Variants in ASH1L observed in about 807,000 individuals in gnomAD.
The protein encoded by ASH1L is ASH1 like histone lysine methyltransferase, also known as histone-lysine N-methyltransferase ASH1L.
In ASH1L, 23 loss-of-function variants were observed where a neutral mutation model predicts 269.0. The ratio of observed to expected loss-of-function variants is 0.09; its 90% confidence interval spans 0.06 to 0.12. ASH1L has a LOEUF of 0.12. ASH1L is among the 10% of genes least tolerant of loss of function. The pLI is 1.00. For missense variants in ASH1L, 2,912 were observed against 3,567.8 expected, an observed-to-expected ratio of 0.82 and a Z score of 4.68; for synonymous variants, 1,187 against 1,253.5, an observed-to-expected ratio of 0.95 and a Z score of 1.12.
intron 2 of ASH1L, among the ~76,000 whole-genome samples, chr1:155,491,286 A>T (rs987970709): frequency 1.8e-4 from 28 of 152,292 alleles, no homozygotes; most frequent in Admixed American, 1.8e-3. Context: ...GGTTTTAAAA[A>T]TTTTTATTAA....
At position 155,470,482 on chromosome 1, in the gene ASH1L, A is replaced by AC. The variant is rs976451271; in HGVS notation, c.4984+7403_4984+7404insG. Among the ~76,000 whole-genome samples, 10 of 151,570 alleles carry AC rather than the reference A, an allele frequency of 6.6e-5. 1 individual carries two copies. The highest frequency in any genetic ancestry group is 4.2e-4 in the South Asian group (2 of 4,794). On this transcript the variant is annotated intron_variant, in intron 3 of 27. Transcript: ENST00000392403. ...AAAAAACAAAAAACAAAAAAAAACA[A>AC]AAAAAAAAACTGTCAATAACTATTC...
intron 2 of ASH1L, among the ~76,000 whole-genome samples, chr1:155,506,903 G>A (rs1667852673): frequency 6.6e-6 from 1 of 152,042 alleles, no homozygotes; most frequent in Non-Finnish European, 1.5e-5. Context: ...AGACCAGCCT[G>A]GCCAACATAG....
intron 20 of ASH1L, 85 bp downstream of exon 20, chr1:155,347,571 A>G: frequency 5.1e-6 from 8 of 1,566,008 alleles, no homozygotes; most frequent in South Asian, 1.1e-5. Flanking sequence ...TTTCAAGCCA[A>G]TCCAAAAGAG....
chr1:155,361,872 C>CA (rs771879733), intron 12 of ASH1L, among the ~76,000 whole-genome samples: 3,689 of 57,298 alleles, frequency 0.064, 179 homozygotes, highest in African/African-American at 0.12. Flanking sequence ...GACTCCGTCT[C>CA]AAAAAAAAAA....
chr1:155,512,086 A>G (rs1446826560), intron 2 of ASH1L, among the ~76,000 whole-genome samples: 1 of 152,138 alleles, frequency 6.6e-6, no homozygotes, highest in African/African-American at 2.4e-5. Context: ...TGCTGGGATT[A>G]CAGGTGTGAG....
chr1:155,357,991 G>C (rs1270752043), intron 13 of ASH1L, among the ~76,000 whole-genome samples: 2 of 151,924 alleles, frequency 1.3e-5, no homozygotes, highest in African/African-American at 2.4e-5. Flanking sequence ...GGCTGGTCTC[G>C]AACTCCAGGG....
chr1:155,492,340 G>C (rs776440603), intron 2 of ASH1L, among the ~76,000 whole-genome samples: 1 of 152,162 alleles, frequency 6.6e-6, no homozygotes, highest in East Asian at 1.9e-4. Context: ...ACCACGCCCA[G>C]TCTTGTTTTC....
At chr1:155,514,674 C>T (rs1279373866) in intron 2 of ASH1L, among the ~76,000 whole-genome samples, 1 of 152,074 alleles carries the variant, frequency 6.6e-6, no homozygotes. Flanking sequence ...ATCAACAACG[C>T]ATTTGGCCCA....
At chr1:155,525,559 G>A (rs1460598363) in intron 1 of ASH1L, among the ~76,000 whole-genome samples, 2 of 149,498 alleles carry the variant, frequency 1.3e-5, no homozygotes, top group South Asian at 2.1e-4. Flanking sequence ...AAAAGAAGAA[G>A]AAGAAAAATA....
intron 2 of ASH1L, among the ~76,000 whole-genome samples, chr1:155,488,536 G>A (rs1211733637): frequency 2.0e-5 from 3 of 148,658 alleles, no homozygotes; most frequent in Non-Finnish European, 4.5e-5. Flanking sequence ...TAGCAGGGTG[G>A]CGCATGCCTG....
intron 7 of ASH1L, among the ~76,000 whole-genome samples, chr1:155,393,132 T>A (rs968174222): frequency 6.6e-6 from 1 of 152,228 alleles, no homozygotes; most frequent in African/African-American, 2.4e-5. Flanking sequence ...AGGAACTTAC[T>A]CTTACCTTCA....
chr1:155,562,878 G>GGCC (rs760485253), upstream of ASH1L: 158 of 321,798 alleles, frequency 4.9e-4, no homozygotes, highest in Middle Eastern at 1.7e-3. Context: ...CCGCCGCCAC[G>GGCC]GCCGCCGCCG....
chr1:155,390,293 A>G (rs144147976), intron 7 of ASH1L, among the ~76,000 whole-genome samples: 1 of 152,344 alleles, frequency 6.6e-6, no homozygotes, highest in East Asian at 1.9e-4. Flanking sequence ...ATCAAAACTG[A>G]GTCAAGATGA....
In ASH1L at chr1:155,480,291, T is replaced by G; in HGVS notation, c.2579A>C (p.Lys860Thr). The G allele has an allele frequency of 6.2e-7, 1 of 1,614,184 alleles. No homozygotes were observed. Among genetic ancestry groups the G allele is most frequent in the Non-Finnish European group, 8.5e-7 (1 of 1,180,002 alleles). ...TAAAATTGGGGGTTCTTGTTCTTCC[T>G]TAGACTGTAAAGAAAACACTTTAGA... The part of the protein sequence containing the change: ...PASKVFSLQS[K>T]EEQEPPILQP... The change falls in exon 3 of 28, where the codon AAG becomes ACG. Residue 860 changes from lysine (K) to threonine (T), a missense_variant. By Grantham distance (78) the Lys-to-Thr change is moderately conservative. Around this residue, in one of 13 missense-constraint regions of ASH1L, gnomAD observed 715 missense variants for 721.0 expected, o/e 0.99. Transcript: ENST00000392403.
At chr1:155,386,982 T>C (rs1162017142) in intron 7 of ASH1L, among the ~76,000 whole-genome samples, 1 of 151,298 alleles carries the variant, frequency 6.6e-6, no homozygotes, top group Non-Finnish European at 1.5e-5. Context: ...TACAATTAAG[T>C]CTTTTTTTTT....
chr1:155,536,176 G>A (rs12746592), intron 1 of ASH1L, among the ~76,000 whole-genome samples: 39,051 of 152,000 alleles, frequency 0.26, 5,855 homozygotes, highest in East Asian at 0.72. Flanking sequence ...AAGTAAGTGC[G>A]AAGGTCTTGA....
intron 13 of ASH1L, among the ~76,000 whole-genome samples, chr1:155,358,420 C>T (rs1654609421): frequency 6.6e-6 from 1 of 152,080 alleles, no homozygotes; most frequent in Admixed American, 6.6e-5. Flanking sequence ...GGCATGGTGG[C>T]TCATGCCTGT....
At chr1:155,551,279 G>C (rs1200830191) in intron 1 of ASH1L, among the ~76,000 whole-genome samples, 1 of 151,642 alleles carries the variant, frequency 6.6e-6, no homozygotes, top group Non-Finnish European at 1.5e-5. Flanking sequence ...TTTTCCTCGG[G>C]GGGGAAAAAT....
At chr1:155,412,382 C>A (rs752477139) in intron 6 of ASH1L, among the ~76,000 whole-genome samples, 2 of 152,052 alleles carry the variant, frequency 1.3e-5, no homozygotes, top group Non-Finnish European at 2.9e-5. Context: ...GCACTCCAGC[C>A]TGGTTGACAA....
Sources: gnomAD v4.1 joint callset for allele counts (sites outside exome capture counted in the v4.1 genomes callset) on GRCh38, gnomAD v4.1.1 for gene constraint, gnomAD v4.1.1 regional missense constraint, MANE v1.5 for transcripts, NCBI Gene and HGNC (gene_info 2026-07-23, HGNC 2026-07-21) for gene names.